The following ERCC6 variants were observed in gnomAD, a reference collection of about 807,000 sequenced individuals.
The protein encoded by ERCC6 is ERCC excision repair 6, chromatin remodeling factor, also known as DNA excision repair protein ERCC-6.
In ERCC6, 116 loss-of-function variants were observed where a neutral mutation model predicts 158.7. The ratio of observed to expected loss-of-function variants is 0.73; its 90% CI spans 0.63 to 0.85. The LOEUF (loss-of-function observed/expected upper bound fraction) is 0.85, where lower values mean the gene tolerates loss of function less well. Ranked by LOEUF, ERCC6 falls within the 40% of genes least tolerant of loss-of-function variation. ERCC6 has a pLI of 0.00. For synonymous variants in ERCC6, 678 were observed against 659.3 expected (o/e 1.03, Z -0.43); for missense variants, 1,698 against 1,799.4 (o/e 0.94, Z 1.02).
At chr10:49,506,859 T>C (rs1851452498) in intron 5 of ERCC6, among the ~76,000 whole-genome samples, 1 of 151,242 alleles carries the variant, frequency 6.6e-6, no homozygotes, top group African/African-American at 2.4e-5. Context: ...AAAAAGATGA[T>C]GTTTTCATTC....
At chr10:49,467,718 A>C (rs1178857727) in intron 18 of ERCC6, among the ~76,000 whole-genome samples, 4 of 151,214 alleles carry the variant, frequency 2.6e-5, no homozygotes, top group Non-Finnish European at 4.4e-5. Context: ...GGTGTATGCT[A>C]CCACACCCGG....
In ERCC6 at chr10:49,524,764, G is replaced by A; in HGVS notation, c.666C>T (p.Ser222=). ...CAGGCATGAGCATGCTGCCAAGACTGGATGGCCCCGGCTCTGAAAGAACAA... is the reference window on the plus strand; with the variant it reads ...CAGGCATGAGCATGCTGCCAAGACTAGATGGCCCCGGCTCTGAAAGAACAA... ...SLEEDAEPGP[S]SLGSMLMPVQ... The change falls in exon 5 of 21, where the codon TCC becomes TCT. Residue 222 remains serine, a synonymous_variant. Transcript: ENST00000355832. 1 of 1,602,038 alleles carries A rather than the reference G, an allele frequency of 6.2e-7. No individual in the cohort carries two copies. The highest frequency in any genetic ancestry group is 8.5e-7 in the Non-Finnish European group (1 of 1,179,970).
chr10:49,437,536 G>A, the ERCC6 span, among the ~76,000 whole-genome samples: 1 of 152,208 alleles, frequency 6.6e-6, no homozygotes, highest in Non-Finnish European at 1.5e-5. Context: ...GAGGAGAGGA[G>A]AGGAATAGAC....
chr10:49,525,381 A>C (rs1028234871), intron 4 of ERCC6, among the ~76,000 whole-genome samples: 8 of 152,194 alleles, frequency 5.3e-5, no homozygotes, highest in African/African-American at 1.9e-4. Flanking sequence ...ACACGTGACT[A>C]ATGGCTACTA....
intron 8 of ERCC6, among the ~76,000 whole-genome samples, chr10:49,490,122 T>A (rs946421427): frequency 3.3e-5 from 5 of 152,224 alleles, no homozygotes; most frequent in Non-Finnish European, 7.3e-5. Flanking sequence ...AAAAATTTCT[T>A]TATCAGATTT....
intron 5 of ERCC6, chr10:49,516,209 G>A: frequency 6.2e-7 from 1 of 1,614,158 alleles, no homozygotes; most frequent in African/African-American, 1.3e-5. Context: ...AGCCCAGACA[G>A]GTGGCACCAC....
At position 49,457,895 on chromosome 10, in the gene ERCC6, C is replaced by A. The variant is rs574043055; in HGVS notation, c.*920G>T. 1 of 152,246 alleles carries A rather than the reference C, an allele frequency of 6.6e-6. No individual in the cohort carries two copies. 9.4% of individuals were successfully genotyped at this position (152,246 alleles called of 1,614,324 possible). The stretch of plus-strand genomic sequence containing the variant: ...AAACCGCAGAAACAAGAAAGCCCGT[C>A]GCAAGGAATGCAAAGGCAGGCGCAA... On this transcript the variant is annotated 3_prime_UTR_variant, in exon 21 of 21. Transcript: ENST00000355832.
rs1225942149 is a variant in ERCC6, at chr10:49,470,886, G to A, written c.3074C>T (p.Thr1025Ile). 1 of 1,613,746 alleles carries A rather than the reference G, an allele frequency of 6.2e-7. No homozygotes were observed. Among genetic ancestry groups the A allele is most frequent in the Admixed American group, 1.7e-5 (1 of 59,996 alleles). The change falls in exon 18 of 21, where the codon ACT becomes ATT. Residue 1025 changes from threonine to isoleucine, a missense_variant. Thr to Ile is a moderately conservative substitution (Grantham distance 89). Coordinates refer to ENST00000355832, the MANE Select transcript of ERCC6 (RefSeq NM_000124.4). ...STETSAIFAG[T>I]GSDVQTPKCH... ...TTTGGGTGTCTGAACATCTGATCCAGTTCCTGTAAAGAGGAAAAACACCAC... is the reference window on the plus strand; with the variant it reads ...TTTGGGTGTCTGAACATCTGATCCAATTCCTGTAAAGAGGAAAAACACCAC...
chr10:49,444,570 A>T, the ERCC6 span, among the ~76,000 whole-genome samples: 2 of 152,222 alleles, frequency 1.3e-5, no homozygotes, highest in Non-Finnish European at 2.9e-5. Context: ...AGAACAGTCG[A>T]TTGTGAAATT....
intron 4 of ERCC6, among the ~76,000 whole-genome samples, chr10:49,526,401 G>A (rs573649842): frequency 1.3e-5 from 2 of 151,966 alleles, no homozygotes; most frequent in Non-Finnish European, 1.5e-5. Context: ...TGTAGGAAGT[G>A]TTCCAGTCTT....
intron 5 of ERCC6, among the ~76,000 whole-genome samples, chr10:49,510,368 C>A (rs1181310965): frequency 6.6e-6 from 1 of 152,182 alleles, no homozygotes. Flanking sequence ...GCAGCCTCCT[C>A]ATCTCTGTGC....
In ERCC6 at chr10:49,482,302, T is replaced by C. The variant is rs541973200; in HGVS notation, c.2169+385A>G. Among the ~76,000 whole-genome samples, 17 of 152,322 alleles carry C rather than the reference T, an allele frequency of 1.1e-4. No individual in the cohort carries two copies. In the East Asian group the frequency reaches 3.1e-3, roughly 28 times the overall value. The stretch of plus-strand genomic sequence containing the variant: ...TTCTCCACTACTTTATAAGATGCAC[T>C]ACCCCAGTTTGCAGGACTAAATTAC... On this transcript the variant is annotated intron_variant, in intron 10 of 20. Coordinates refer to ENST00000355832, the MANE Select transcript of ERCC6 (RefSeq NM_000124.4).
chr10:49,474,872 A>G (rs1850848111), intron 12 of ERCC6, among the ~76,000 whole-genome samples: 1 of 152,224 alleles, frequency 6.6e-6, no homozygotes, highest in Non-Finnish European at 1.5e-5. Flanking sequence ...AAGAACATTA[A>G]CAAAACTTCA....
the ERCC6 span, among the ~76,000 whole-genome samples, chr10:49,442,697 T>A: frequency 6.6e-6 from 1 of 152,198 alleles, no homozygotes; most frequent in African/African-American, 2.4e-5. Context: ...TGGGGGCAGG[T>A]GGCCATGGAA....
chr10:49,443,310 A>G, the ERCC6 span, among the ~76,000 whole-genome samples: 1 of 152,230 alleles, frequency 6.6e-6, no homozygotes, highest in East Asian at 1.9e-4. Context: ...GACAACAGAA[A>G]AAAAAGTACA....
chr10:49,460,727 C>G (rs930710592), intron 19 of ERCC6, among the ~76,000 whole-genome samples: 1 of 152,120 alleles, frequency 6.6e-6, no homozygotes, highest in Non-Finnish European at 1.5e-5. Context: ...TCGAGACTAG[C>G]CTGGCCAACA....
In ERCC6 at chr10:49,505,872, T is replaced by C. The variant is rs779763531; in HGVS notation, c.1526+12A>G. 26 of 1,612,658 alleles carry C rather than the reference T, an allele frequency of 1.6e-5. No homozygotes were observed. The South Asian group carries it at 2.4e-4, about 15-fold the overall frequency. On this transcript the variant is annotated intron_variant, in intron 6 of 20. Transcript: ENST00000355832. The stretch of plus-strand genomic sequence containing the variant: ...GATAGCAAATAGAAAGGAAAGAACA[T>C]ATGGTACATACTTAAAAAGCTTTTT...
chr10:49,470,437 C>T lies in ERCC6; in HGVS notation c.3523G>A (p.Glu1175Lys). 1 of 1,614,086 alleles carries T rather than the reference C, an allele frequency of 6.2e-7. No individual in the cohort carries two copies. The highest frequency in any genetic ancestry group is 8.5e-7 in the Non-Finnish European group (1 of 1,180,016). ...TEAFWENKQM[E>K]NNFYKHKSKT... ...GACTTGTGCTTATAAAAATTATTTT[C>T]CATTTGTTTATTCTCCCAAAAAGCT... is the stretch of plus-strand genomic sequence containing the variant. The change falls in exon 18 of 21, where the codon GAA becomes AAA. Residue 1175 changes from glutamate to lysine, a missense_variant. Coordinates refer to ENST00000355832, the MANE Select transcript of ERCC6 (RefSeq NM_000124.4).
intron 18 of ERCC6, among the ~76,000 whole-genome samples, chr10:49,467,731 AT>A (rs560815159): frequency 1.9e-4 from 27 of 145,440 alleles, no homozygotes; most frequent in East Asian, 2.0e-4. Flanking sequence ...ACACCCGGCT[AT>A]TTTTTTTTTT....
Sources: allele counts gnomAD v4.1 joint callset (sites outside exome capture counted in the v4.1 genomes callset), GRCh38; gene constraint gnomAD v4.1.1; transcripts MANE v1.5; gene names NCBI Gene and HGNC (gene_info 2026-07-23, HGNC 2026-07-21).